Variants in DLG2 observed in about 807,000 individuals in gnomAD.
The protein encoded by DLG2 is disks large homolog 2.
A neutral mutation model predicts 132.5 loss-of-function variants in DLG2; 45 were observed. The ratio of observed to expected loss-of-function variants is 0.34; its 90% CI spans 0.27 to 0.44. The LOEUF (loss-of-function observed/expected upper bound fraction) is 0.44, where lower values mean the gene tolerates loss of function less well. Among genes scored for constraint, DLG2 ranks in the 20% least tolerant of loss-of-function variants. The probability of loss-of-function intolerance (pLI) is 1.00; values close to 1 mark genes in which losing one functional copy is unlikely to be tolerated. For missense variants in DLG2, 1,045 were observed against 1,196.9 expected (o/e 0.87, Z 1.87); for synonymous variants, 424 against 419.6 (o/e 1.01, Z -0.13).
intron 4 of DLG2, among the ~76,000 whole-genome samples, chr11:85,158,385 G>A (rs888639845): frequency 6.6e-6 from 1 of 152,162 alleles, no homozygotes; most frequent in African/African-American, 2.4e-5. Flanking sequence ...TGAGTGAGCT[G>A]GAAATGCCTG....
intron 7 of DLG2, among the ~76,000 whole-genome samples, chr11:84,372,868 G>T (rs1371999879): frequency 2.0e-5 from 3 of 152,066 alleles, no homozygotes; most frequent in African/African-American, 7.2e-5. Flanking sequence ...TTGTGATTCA[G>T]TAGCTTGGTA....
At chr11:84,889,308 G>T (rs2088902385) in intron 6 of DLG2, among the ~76,000 whole-genome samples, 1 of 152,136 alleles carries the variant, frequency 6.6e-6, no homozygotes, top group Non-Finnish European at 1.5e-5. Flanking sequence ...TGCATTAGAT[G>T]ATAACACTAC....
At chr11:84,373,269 A>AAAAAAAAAAAAAAAAAAAAAAAAC (rs1555532736) in intron 7 of DLG2, among the ~76,000 whole-genome samples, 3 of 128,428 alleles carry the variant, frequency 2.3e-5, no homozygotes, top group Non-Finnish European at 4.8e-5. Context: ...AAAAAACAAA[A>AAAAAAAAAAAAAAAAAAAAAAAAC]CAAAAAAAAA....
chr11:84,706,133 G>T (rs1411494724), intron 6 of DLG2, among the ~76,000 whole-genome samples: 1 of 151,790 alleles, frequency 6.6e-6, no homozygotes, highest in East Asian at 1.9e-4. Context: ...TTCCTTGATG[G>T]CTTCCCTCCT....
At chr11:84,650,900 T>TATAA (rs1452682199) in intron 6 of DLG2, among the ~76,000 whole-genome samples, 4 of 138,522 alleles carry the variant, frequency 2.9e-5, no homozygotes, top group African/African-American at 8.8e-5. Flanking sequence ...TATATATATA[T>TATAA]AAAATTTTTG....
chr11:84,078,817 C>A (rs2096862919), intron 10 of DLG2, among the ~76,000 whole-genome samples: 1 of 152,290 alleles, frequency 6.6e-6, no homozygotes, highest in African/African-American at 2.4e-5. Context: ...TTTAAAGGTT[C>A]CCAATGACAT....
chr11:85,385,693 GA>G (rs1168320595), intron 3 of DLG2, among the ~76,000 whole-genome samples: 1 of 152,136 alleles, frequency 6.6e-6, no homozygotes, highest in Non-Finnish European at 1.5e-5. Context: ...CTGTGAAACT[GA>G]TTAATTTAAA....
At chr11:84,266,772 T>C (rs750407062) in intron 7 of DLG2, among the ~76,000 whole-genome samples, 2 of 152,190 alleles carry the variant, frequency 1.3e-5, no homozygotes, top group African/African-American at 2.4e-5. Context: ...TCAGGAGACA[T>C]AGTTTAAGAA....
intron 4 of DLG2, among the ~76,000 whole-genome samples, chr11:85,205,931 A>G (rs2081856542): frequency 6.6e-6 from 1 of 152,134 alleles, no homozygotes. Context: ...AATAGACACA[A>G]TGTTTTATAT....
chr11:84,364,893 GTGC>G (rs770463921), intron 7 of DLG2, among the ~76,000 whole-genome samples: 10 of 151,974 alleles, frequency 6.6e-5, no homozygotes, highest in Admixed American at 4.6e-4. Flanking sequence ...CTTTTTGATG[GTGC>G]TGCTGGATTC....
intron 3 of DLG2, among the ~76,000 whole-genome samples, chr11:85,390,188 G>T (rs993781106): frequency 6.6e-6 from 1 of 151,820 alleles, no homozygotes; most frequent in Non-Finnish European, 1.5e-5. Flanking sequence ...AACACCAAAA[G>T]GGAGCAGAAG....
At chr11:83,505,361 C>T (rs2094640689) in intron 21 of DLG2, among the ~76,000 whole-genome samples, 1 of 152,172 alleles carries the variant, frequency 6.6e-6, no homozygotes, top group African/African-American at 2.4e-5. Context: ...TGAGCCCATG[C>T]ATAATCTCCA....
intron 6 of DLG2, among the ~76,000 whole-genome samples, chr11:84,539,407 T>G (rs1303963417): frequency 6.6e-6 from 1 of 152,220 alleles, no homozygotes; most frequent in East Asian, 1.9e-4. Context: ...TGAGTCAAAC[T>G]TTTCATTCCA....
At chr11:83,591,033 T>C (rs917828179) in intron 19 of DLG2, among the ~76,000 whole-genome samples, 2 of 151,866 alleles carry the variant, frequency 1.3e-5, no homozygotes, top group Non-Finnish European at 2.9e-5. Flanking sequence ...CAGGACCAGA[T>C]GGATTCACAG....
chr11:84,981,152 T>C (rs893077498), intron 6 of DLG2, among the ~76,000 whole-genome samples: 4 of 152,328 alleles, frequency 2.6e-5, no homozygotes, highest in Admixed American at 6.5e-5. Flanking sequence ...ATGGACTCTA[T>C]ATGCTCTATT....
At chr11:83,800,585 A>G (rs1163549341) in intron 17 of DLG2, among the ~76,000 whole-genome samples, 1 of 152,208 alleles carries the variant, frequency 6.6e-6, no homozygotes, top group Non-Finnish European at 1.5e-5. Context: ...AAAAATTGAT[A>G]TTGAATATTT....
At chr11:84,515,022 G>A (rs1315987522) in intron 7 of DLG2, among the ~76,000 whole-genome samples, 2 of 151,496 alleles carry the variant, frequency 1.3e-5, no homozygotes, top group Non-Finnish European at 2.9e-5. Context: ...AAGTCTCATG[G>A]TAATTAGAAA....
At chr11:83,791,336 T>G in intron 17 of DLG2, 1 of 670,170 alleles carries the variant, frequency 1.5e-6, no homozygotes, top group Middle Eastern at 2.6e-4. Context: ...GAAAGCTGCC[T>G]TTTTAACGTA....
intron 3 of DLG2, among the ~76,000 whole-genome samples, chr11:85,308,089 G>T (rs1446374418): frequency 6.6e-6 from 1 of 151,724 alleles, no homozygotes; most frequent in Non-Finnish European, 1.5e-5. Flanking sequence ...AGGAGGCAGA[G>T]GTTGTAGTGA....
Sources: allele counts gnomAD v4.1 joint callset (sites outside exome capture counted in the v4.1 genomes callset), GRCh38; gene constraint gnomAD v4.1.1; transcripts MANE v1.5; gene names NCBI Gene and HGNC (gene_info 2026-07-23, HGNC 2026-07-21).